Variants in SLC38A12 observed in about 807,000 individuals in gnomAD.
The protein encoded by SLC38A12 is putative sodium-coupled neutral amino acid transporter 12.
the SLC38A12 span, among the ~76,000 whole-genome samples, chr17:74,793,939 G>A: frequency 1.1e-4 from 17 of 152,314 alleles, no homozygotes; most frequent in South Asian, 2.9e-3. Context: ...TAGGCTTTCC[G>A]TTGGGTACCC....
chr17:74,799,358 A>T, the SLC38A12 span, among the ~76,000 whole-genome samples: 1 of 152,230 alleles, frequency 6.6e-6, no homozygotes, highest in Non-Finnish European at 1.5e-5. Flanking sequence ...CCCGGCCGCA[A>T]ACTGCCCTGT....
chr17:74,785,377 T>C, the SLC38A12 span: 1 of 1,506,550 alleles, frequency 6.6e-7, no homozygotes, highest in South Asian at 1.3e-5. Context: ...CAGTGTGGCC[T>C]TCTGGCCTCC....
At chr17:74,819,055 G>T in the SLC38A12 span, among the ~76,000 whole-genome samples, 8 of 152,264 alleles carry the variant, frequency 5.3e-5, no homozygotes, top group Admixed American at 4.6e-4. Flanking sequence ...ACCAGCACCC[G>T]CTTCTCTGCC....
At chr17:74,815,148 T>C in the SLC38A12 span, among the ~76,000 whole-genome samples, 4 of 152,092 alleles carry the variant, frequency 2.6e-5, no homozygotes, top group African/African-American at 9.7e-5. Flanking sequence ...AGTTTCCTCA[T>C]CAGTAAGATG....
chr17:74,837,556 AG>A, the SLC38A12 span: 1 of 985,380 alleles, frequency 1.0e-6, no homozygotes, highest in Non-Finnish European at 1.2e-6. Context: ...TGGCAGTGGG[AG>A]GGCTCTGAGG....
the SLC38A12 span, chr17:74,836,267 G>C: frequency 6.8e-6 from 11 of 1,611,648 alleles, no homozygotes; most frequent in Non-Finnish European, 9.3e-6. The surrounding 1 kb of genome is among the most constrained non-coding windows in gnomAD (Gnocchi z 4.2). Flanking sequence ...GCTTTTTCCT[G>C]GGCCTCTTCC....
At chr17:74,783,822 C>G in the SLC38A12 span, among the ~76,000 whole-genome samples, 1 of 148,146 alleles carries the variant, frequency 6.8e-6, no homozygotes, top group Non-Finnish European at 1.5e-5. Flanking sequence ...CCTCCACCTC[C>G]CGGGTTCAAG....
At chr17:74,786,056 G>A in the SLC38A12 span, among the ~76,000 whole-genome samples, 2 of 152,260 alleles carry the variant, frequency 1.3e-5, no homozygotes, top group Non-Finnish European at 2.9e-5. Flanking sequence ...TCACGAAGTA[G>A]GTGATAAACA....
the SLC38A12 span, among the ~76,000 whole-genome samples, chr17:74,793,818 G>T: frequency 6.6e-6 from 1 of 152,146 alleles, no homozygotes; most frequent in South Asian, 2.1e-4. Context: ...TATTCAAAAA[G>T]TGAGTGCCGA....
At chr17:74,791,077 GCTGGTGCTTCCCTGCAGGC>G in the SLC38A12 span, 13 of 1,574,344 alleles carry the variant, frequency 8.3e-6, no homozygotes, top group Non-Finnish European at 1.1e-5. Flanking sequence ...GAAACGGGGA[GCTGGTGCTTCCCTGCAGGC>G]CTGCACCCTT....
chr17:74,785,149 TC>T, the SLC38A12 span, among the ~76,000 whole-genome samples: 1 of 152,150 alleles, frequency 6.6e-6, no homozygotes, highest in Non-Finnish European at 1.5e-5. Context: ...TGATGCTCTG[TC>T]CCCGGGAAGC....
the SLC38A12 span, chr17:74,836,211 AC>A: frequency 1.2e-6 from 2 of 1,611,194 alleles, no homozygotes; most frequent in Non-Finnish European, 1.7e-6. This position sits in a 1 kb window ranked among gnomAD's most constrained non-coding sequence, Gnocchi z 4.2. Context: ...GGACATGTAC[AC>A]CCTCAACTTC....
At chr17:74,800,795 T>TG in the SLC38A12 span, among the ~76,000 whole-genome samples, 51,055 of 152,054 alleles carry the variant, frequency 0.34, 9,151 homozygotes, top group East Asian at 0.53. Context: ...AGCCCGGGAT[T>TG]GAGTGAAGTG....
At chr17:74,804,213 T>C in the SLC38A12 span, among the ~76,000 whole-genome samples, 4 of 152,272 alleles carry the variant, frequency 2.6e-5, no homozygotes, top group Non-Finnish European at 5.9e-5. Flanking sequence ...TGTCTTTCTA[T>C]ATAGCGCCCC....
At chr17:74,811,182 T>C in the SLC38A12 span, among the ~76,000 whole-genome samples, 66 of 151,798 alleles carry the variant, frequency 4.3e-4, 1 homozygote, top group African/African-American at 1.5e-3. Flanking sequence ...ATACAAAAAT[T>C]AGCGAGGCGT....
the SLC38A12 span, among the ~76,000 whole-genome samples, chr17:74,813,284 C>T: frequency 7.7e-4 from 117 of 152,378 alleles, 3 homozygotes; most frequent in South Asian, 0.023. Flanking sequence ...GGACCCTCCC[C>T]TGGGCATCAC....
At chr17:74,781,004 G>A in the SLC38A12 span, among the ~76,000 whole-genome samples, 4 of 152,200 alleles carry the variant, frequency 2.6e-5, no homozygotes, top group African/African-American at 7.2e-5. Flanking sequence ...AGGACAGTAG[G>A]CAGTGTCTAG....
the SLC38A12 span, among the ~76,000 whole-genome samples, chr17:74,809,352 T>C: frequency 6.6e-6 from 1 of 152,226 alleles, no homozygotes; most frequent in East Asian, 1.9e-4. Flanking sequence ...TCCAGACGCC[T>C]CTGGTTGTCT....
At chr17:74,830,875 C>T in the SLC38A12 span, among the ~76,000 whole-genome samples, 4 of 152,308 alleles carry the variant, frequency 2.6e-5, no homozygotes, top group East Asian at 1.9e-4. Context: ...ATCAGTGTGG[C>T]GAGGCCTGCG....
Sources: gnomAD v4.1 joint callset for allele counts (sites outside exome capture counted in the v4.1 genomes callset) on GRCh38, gnomAD v4.1.1 for gene constraint, Gnocchi (gnomAD v3.1) non-coding constraint, MANE v1.5 for transcripts, NCBI Gene and HGNC (gene_info 2026-07-23, HGNC 2026-07-21) for gene names.